ITGB6: variants seen among roughly 807,000 people sequenced by gnomAD.
The protein encoded by ITGB6 is integrin beta-6.
A neutral mutation model predicts 84.5 loss-of-function variants in ITGB6; 80 were observed. The ratio of observed to expected loss-of-function variants is 0.95; its 90% confidence interval spans 0.79 to 1.14. The LOEUF is 1.14. Among genes scored for constraint, ITGB6 ranks in the 50% most tolerant of loss-of-function variants. The pLI is 0.00. For synonymous variants in ITGB6, 383 were observed against 354.9 expected (o/e 1.08, Z -0.89); for missense variants, 1,006 against 968.0 (o/e 1.04, Z -0.52).
At chr2:160,107,638 T>C (rs949402342) in intron 14 of ITGB6, 41 bp downstream of exon 14, 1 of 1,593,926 alleles carries the variant, frequency 6.3e-7, no homozygotes, top group South Asian at 1.1e-5. Flanking sequence ...CACCAGCCTC[T>C]TTCTCCCCTA....
At chr2:160,160,465 AAAT>A (rs1217936250) in intron 7 of ITGB6, among the ~76,000 whole-genome samples, 1 of 152,212 alleles carries the variant, frequency 6.6e-6, no homozygotes, top group Non-Finnish European at 1.5e-5. Context: ...CAAGCTCAAC[AAAT>A]AATGATTCCA....
At chr2:160,181,883 C>T (rs1469977174) in intron 4 of ITGB6, among the ~76,000 whole-genome samples, 1 of 152,168 alleles carries the variant, frequency 6.6e-6, no homozygotes. Context: ...CTTCAGCAGA[C>T]CTGCAGCAGA....
chr2:160,187,305 A>C (rs568036695), intron 4 of ITGB6, among the ~76,000 whole-genome samples: 2 of 152,328 alleles, frequency 1.3e-5, no homozygotes, highest in East Asian at 3.9e-4. Context: ...CATTGGTTAA[A>C]AAAATCCATT....
intron 1 of ITGB6, among the ~76,000 whole-genome samples, chr2:160,199,528 T>C (rs1441187630): frequency 6.6e-6 from 1 of 152,228 alleles, no homozygotes; most frequent in East Asian, 1.9e-4. Flanking sequence ...AGTTCACAAA[T>C]ATAGGATTAT....
At chr2:160,145,594 C>T (rs1684155281) in intron 7 of ITGB6, among the ~76,000 whole-genome samples, 1 of 152,212 alleles carries the variant, frequency 6.6e-6, no homozygotes, top group Admixed American at 6.5e-5. Flanking sequence ...CACCTGCATT[C>T]CCACCTGCAC....
rs778489013 is a variant in ITGB6, at chr2:160,126,341, C to T, written c.1883+38G>A. ...CACTGTAAGTTTGATCACTATAAAC[C>T]TATCCACATAAGGAATGGAGAAAAG... is the stretch of plus-strand genomic sequence containing the variant. On this transcript the variant is annotated intron_variant, in intron 11 of 14. Coordinates refer to ENST00000283249, the MANE Select transcript of ITGB6 (RefSeq NM_000888.5). The T allele has an allele frequency of 3.2e-6, 5 of 1,578,698 alleles. 1 individual carries two copies. The South Asian group carries it at 4.4e-5, about 14-fold the overall frequency.
Position 160,123,788 on chromosome 2 carries a change from A to T in ITGB6, c.1981+3T>A. 1 of 1,610,708 alleles carries T rather than the reference A, an allele frequency of 6.2e-7. No individual in the cohort carries two copies. Among genetic ancestry groups the T allele is most frequent in the Non-Finnish European group, 8.5e-7 (1 of 1,177,068 alleles). ...ATGAAAAACAATTTAAGACAAGCAG[A>T]ACCTTCTTCTTCACTGATGGTCGCA... On this transcript the variant is annotated splice_donor_region_variant and intron_variant, in intron 12 of 14. Transcript: ENST00000283249.
chr2:160,195,742 T>C, intron 3 of ITGB6, 127 bp from the exon 4 acceptor site: 1 of 1,054,366 alleles, frequency 9.5e-7, no homozygotes, highest in Non-Finnish European at 1.4e-6. Flanking sequence ...ATGATTTTAT[T>C]AACTGTGTGG....
intron 13 of ITGB6, among the ~76,000 whole-genome samples, chr2:160,110,025 C>T (rs1697067078): frequency 6.6e-6 from 1 of 152,120 alleles, no homozygotes; most frequent in Admixed American, 6.5e-5. Context: ...AATGTAATTA[C>T]TAGAAAATTT....
rs1414747829 is a variant in ITGB6, at chr2:160,171,325, A to ATCTATT, written c.921+1243_921+1244insAATAGA. On this transcript the variant is annotated intron_variant, in intron 6 of 14. Coordinates refer to ENST00000283249, the MANE Select transcript of ITGB6 (RefSeq NM_000888.5). ...CTCAGACTGCTGCTTCAGAAATCAA[A>ATCTATT]TTTATTTTTTTATTTTTTTTTTTTT... is the stretch of plus-strand genomic sequence containing the variant. Among the ~76,000 whole-genome samples the ATCTATT allele has an allele frequency of 1.6e-4, 20 of 126,054 alleles. 3 individuals carry two copies. Among genetic ancestry groups the ATCTATT allele is most frequent in the Non-Finnish European group, 1.6e-4 (9 of 54,838 alleles). 82.7% of individuals were successfully genotyped at this position (126,054 alleles called of 152,430 possible). A position where few individuals can be genotyped will look rare whatever the true frequency, so the allele number is the denominator to read the frequency against.
At chr2:160,106,750 T>A (rs961640866) in intron 14 of ITGB6, among the ~76,000 whole-genome samples, 2 of 152,198 alleles carry the variant, frequency 1.3e-5, no homozygotes, top group Non-Finnish European at 2.9e-5. Context: ...CTTATCAAGA[T>A]AAATTTATCA....
chr2:160,179,304 A>T (rs1402742458), intron 4 of ITGB6, among the ~76,000 whole-genome samples: 5 of 152,040 alleles, frequency 3.3e-5, no homozygotes, highest in Admixed American at 3.3e-4. Context: ...TTGCAATAAG[A>T]AACTATATAC....
chr2:160,199,100 T>A, intron 2 of ITGB6, 79 bp downstream of exon 2: 1 of 1,181,142 alleles, frequency 8.5e-7, no homozygotes, highest in Non-Finnish European at 1.3e-6. Flanking sequence ...CAAGTCACTA[T>A]CAGAAATATC....
intron 2 of ITGB6, among the ~76,000 whole-genome samples, chr2:160,198,292 G>C (rs1386293936): frequency 6.6e-6 from 1 of 152,174 alleles, no homozygotes; most frequent in East Asian, 1.9e-4. Flanking sequence ...TTGTCTGTGA[G>C]GCCACACTTC....
At chr2:160,127,759 G>A (rs1683295217) in intron 10 of ITGB6, among the ~76,000 whole-genome samples, 1 of 152,202 alleles carries the variant, frequency 6.6e-6, no homozygotes, top group Non-Finnish European at 1.5e-5. Flanking sequence ...AAAGATATTT[G>A]ATGTGAATGT....
rs1156359596 is a variant in ITGB6, at chr2:160,200,210, T to C, written c.-147A>G. On this transcript the variant is annotated 5_prime_UTR_variant, in exon 1 of 15. The change creates a new upstream start codon in the 5' untranslated region. Coordinates refer to ENST00000283249, the MANE Select transcript of ITGB6 (RefSeq NM_000888.5). ...CACTGCTTTGAAAAGAAACTTGAGA[T>C]ATAAGTTAGAAAGTTTTCATTAAGA... 2 of 619,856 alleles carry C rather than the reference T, an allele frequency of 3.2e-6. No homozygotes were observed. The highest frequency in any genetic ancestry group is 5.5e-6 in the Non-Finnish European group (2 of 363,140). 38.4% of individuals were successfully genotyped at this position (619,856 alleles called of 1,614,324 possible).
At chr2:160,123,923 C>G in intron 11 of ITGB6, 35 bp from the exon 12 acceptor site, 1 of 1,496,406 alleles carries the variant, frequency 6.7e-7, no homozygotes. Context: ...TCAGTTCATG[C>G]TGGTGGAAAA....
chr2:160,177,652 G>T (rs1327436394), intron 4 of ITGB6, among the ~76,000 whole-genome samples: 1 of 151,024 alleles, frequency 6.6e-6, no homozygotes, highest in East Asian at 1.9e-4. Flanking sequence ...TGGTGTTTTT[G>T]GATATATATC....
chr2:160,147,781 A>G (rs1684256177), intron 7 of ITGB6, among the ~76,000 whole-genome samples: 1 of 152,252 alleles, frequency 6.6e-6, no homozygotes, highest in Non-Finnish European at 1.5e-5. Context: ...ACATGAAAAA[A>G]AAATCTAGAC....
Sources: allele counts gnomAD v4.1 joint callset (sites outside exome capture counted in the v4.1 genomes callset), GRCh38; gene constraint gnomAD v4.1.1; transcripts MANE v1.5; gene names NCBI Gene and HGNC (gene_info 2026-07-23, HGNC 2026-07-21).